The following MAPK6 variants were observed in gnomAD, a reference collection of about 807,000 sequenced individuals.
MAPK6 encodes mitogen-activated protein kinase 6.
MAPK6 carries 19 observed loss-of-function variants against 59.3 expected under a neutral mutation model. That is an observed-to-expected ratio of 0.32 (90% CI 0.22 to 0.47). The LOEUF (loss-of-function observed/expected upper bound fraction) is 0.47, where lower values mean the gene tolerates loss of function less well. MAPK6 is among the 20% of genes least tolerant of loss of function. The probability of loss-of-function intolerance (pLI) is 1.00; values close to 1 mark genes in which losing one functional copy is unlikely to be tolerated. For missense variants in MAPK6, 724 were observed against 847.9 expected, an observed-to-expected ratio of 0.85 and a Z score of 1.81; for synonymous variants, 316 against 290.3, an observed-to-expected ratio of 1.09 and a Z score of -0.90.
At chr15:52,031,602 G>A (rs928444588) in intron 1 of MAPK6, among the ~76,000 whole-genome samples, 2 of 152,132 alleles carry the variant, frequency 1.3e-5, no homozygotes, top group African/African-American at 4.8e-5. Context: ...TGGCCAAGGT[G>A]GGAGGATCGC....
rs370396310 is a variant in MAPK6 at position 52,062,975 on chromosome 15, C to T, written c.1068-927C>T. ...AAGATTTTAAGAAGAAATTTTTTTC[C>T]CCCTCCTCAAATGTTGATGTATTGG... On this transcript the variant is annotated intron_variant, in intron 5 of 5. Transcript: ENST00000261845. 1.3e-5 allele frequency among the ~76,000 whole-genome samples: 2 copies of T among 152,134 alleles called. 1 individual carries two copies.
Position 52,066,792 on chromosome 15 carries a change from G to GTGTGTGTGTGTGTA in MAPK6, c.*1793_*1794insGTGTGTGTGTGTAT, listed in dbSNP as rs1043704165. 3.5e-5 allele frequency: 5 copies of GTGTGTGTGTGTGTA among 144,058 alleles called. No homozygotes were observed. The highest frequency in any genetic ancestry group is 7.1e-5 in the Admixed American group (1 of 14,038). 8.9% of individuals were successfully genotyped at this position (144,058 alleles called of 1,614,324 possible). On this transcript the variant is annotated 3_prime_UTR_variant, in exon 6 of 6. Transcript: ENST00000261845. ...TGTGTGTGTGTGTGTGTGTGTGTGT[G>GTGTGTGTGTGTGTA]TATATATATTCATTTATTTATTTTC... is the stretch of plus-strand genomic sequence containing the variant.
At chr15:52,027,861 G>C in intron 1 of MAPK6, 1 of 150,972 alleles carries the variant, frequency 6.6e-6, no homozygotes, top group East Asian at 1.9e-4. Context: ...CAGCCTCTGC[G>C]TCCCAGATTC....
chr15:52,048,005 G>A (rs1292456698), intron 2 of MAPK6, among the ~76,000 whole-genome samples: 2 of 152,118 alleles, frequency 1.3e-5, no homozygotes, highest in East Asian at 3.8e-4. Context: ...GAAATCTTAT[G>A]TGGGACCCTG....
chr15:52,026,207 T>C (rs900491275), intron 1 of MAPK6, among the ~76,000 whole-genome samples: 2 of 152,240 alleles, frequency 1.3e-5, no homozygotes, highest in South Asian at 4.1e-4. Flanking sequence ...TTGGCACTTG[T>C]TGATTACTTC....
At chr15:51,989,362 C>T (rs1040732051) in intron 2 of MAPK6, among the ~76,000 whole-genome samples, 1 of 151,882 alleles carries the variant, frequency 6.6e-6, no homozygotes, top group African/African-American at 2.4e-5. Flanking sequence ...TACAGGCACC[C>T]GGCCTCAAAA....
intron 1 of MAPK6, among the ~76,000 whole-genome samples, chr15:52,032,429 A>G (rs554581589): frequency 6.6e-6 from 1 of 151,488 alleles, no homozygotes; most frequent in South Asian, 2.1e-4. Context: ...GCCTCAGGTG[A>G]TCCATCTGCC....
At chr15:51,993,764 G>C (rs1235970448) in intron 2 of MAPK6, among the ~76,000 whole-genome samples, 2 of 151,338 alleles carry the variant, frequency 1.3e-5, no homozygotes, top group Non-Finnish European at 2.9e-5. Context: ...ATAATGCCCA[G>C]ATCTTGGTTT....
In MAPK6 at chr15:52,043,964, C is replaced by T. The variant is rs1398617695; in HGVS notation, c.-631-1866C>T. On this transcript the variant is annotated intron_variant, in intron 1 of 5. Transcript: ENST00000261845. ...CTACTTTTTGTATTTTTAGTAGAGA[C>T]GGGGTTTCACCATATTGGCCAGGCT... Among the ~76,000 whole-genome samples, 32 of 151,516 alleles carry T rather than the reference C, an allele frequency of 2.1e-4. 1 individual carries two copies. The highest frequency in any genetic ancestry group is 7.5e-4 in the African/African-American group (31 of 41,228).
Position 52,065,861 on chromosome 15 carries a change from G to A in MAPK6, c.*861G>A, listed in dbSNP as rs958589438. Reference sequence around the variant, plus strand: ...TACTTAAGTGTTCATTTTAAGTAACGTGCTCACTGTGTATAGGAATTTGTA... The same window carrying A: ...TACTTAAGTGTTCATTTTAAGTAACATGCTCACTGTGTATAGGAATTTGTA... On this transcript the variant is annotated 3_prime_UTR_variant, in exon 6 of 6. Coordinates refer to ENST00000261845, the MANE Select transcript of MAPK6 (RefSeq NM_002748.4). 75 of 152,578 alleles carry A rather than the reference G, an allele frequency of 4.9e-4. 1 individual carries two copies. Among genetic ancestry groups the A allele is most frequent in the Middle Eastern group, 3.4e-3 (1 of 294 alleles). 9.5% of individuals were successfully genotyped at this position (152,578 alleles called of 1,614,324 possible). A position where few individuals can be genotyped will look rare whatever the true frequency, so the allele number is the denominator to read the frequency against.
At chr15:52,020,162 CA>C in intron 1 of MAPK6, 1 of 152,332 alleles carries the variant, frequency 6.6e-6, no homozygotes, top group Non-Finnish European at 1.5e-5. Flanking sequence ...GTCGGTTCAC[CA>C]AAAAGGGCCT....
chr15:52,023,415 A>C (rs546984845), intron 1 of MAPK6, among the ~76,000 whole-genome samples: 2 of 152,306 alleles, frequency 1.3e-5, no homozygotes, highest in South Asian at 4.1e-4. Flanking sequence ...TTTATTGCTG[A>C]GAGCCTTGAC....
At chr15:52,058,126 T>C (rs186648336) in intron 3 of MAPK6, among the ~76,000 whole-genome samples, 1 of 151,466 alleles carries the variant, frequency 6.6e-6, no homozygotes. Flanking sequence ...ACCACCTATT[T>C]AGCCTAAAGT....
exon 1 of MAPK6, chr15:51,971,869 C>T: frequency 9.8e-7 from 1 of 1,021,494 alleles, no homozygotes; most frequent in Non-Finnish European, 1.5e-6. Flanking sequence ...CTTACGTGAC[C>T]TAGTTTTCGC....
intron 2 of MAPK6, among the ~76,000 whole-genome samples, chr15:51,989,984 G>A (rs1221106634): frequency 6.6e-6 from 1 of 152,120 alleles, no homozygotes; most frequent in Non-Finnish European, 1.5e-5. Context: ...AAGTCTAAAA[G>A]CAGTAGAACC....
At chr15:52,042,112 C>T (rs1038677651) in intron 1 of MAPK6, among the ~76,000 whole-genome samples, 2 of 152,276 alleles carry the variant, frequency 1.3e-5, no homozygotes, top group Middle Eastern at 6.8e-3. Flanking sequence ...TCGCAGCTTA[C>T]TAATTAAGGT....
chr15:51,986,707 AT>A (rs2057192159), intron 2 of MAPK6, among the ~76,000 whole-genome samples: 1 of 152,122 alleles, frequency 6.6e-6, no homozygotes, highest in Non-Finnish European at 1.5e-5. Context: ...ACTCTTTTAT[AT>A]TTTCCCCTCT....
chr15:52,055,555 G>A (rs957186161), intron 3 of MAPK6, among the ~76,000 whole-genome samples: 4 of 152,128 alleles, frequency 2.6e-5, no homozygotes, highest in African/African-American at 7.2e-5. Context: ...TCGCTCTGTC[G>A]CCTAGGCTGG....
intron 1 of MAPK6, among the ~76,000 whole-genome samples, chr15:52,025,200 C>T (rs971161925): frequency 6.6e-6 from 1 of 151,912 alleles, no homozygotes; most frequent in African/African-American, 2.4e-5. Flanking sequence ...GTGATCGCAC[C>T]GCAGCGTTCC....
Sources: gnomAD v4.1 joint callset for allele counts (sites outside exome capture counted in the v4.1 genomes callset) on GRCh38, gnomAD v4.1.1 for gene constraint, MANE v1.5 for transcripts, NCBI Gene and HGNC (gene_info 2026-07-23, HGNC 2026-07-21) for gene names.